Variants in CNN3 observed in about 807,000 individuals in gnomAD.
CNN3 encodes calponin-3.
In CNN3, 11 loss-of-function variants were observed where a neutral mutation model predicts 39.0. The observed-to-expected ratio is 0.28, with a 90% CI of 0.18 to 0.47. The LOEUF is 0.47. Ranked by LOEUF, CNN3 falls within the 20% of genes least tolerant of loss-of-function variation. The pLI, the probability that CNN3 is intolerant of heterozygous loss-of-function variation, is 0.99. For missense variants in CNN3, 266 were observed against 403.4 expected (o/e 0.66, Z 2.92); for synonymous variants, 101 against 138.3 (o/e 0.73, Z 1.89).
intron 1 of CNN3, among the ~76,000 whole-genome samples, chr1:94,922,480 C>T (rs1029407935): frequency 4.6e-5 from 7 of 152,008 alleles, no homozygotes; most frequent in African/African-American, 1.5e-4. Context: ...GAGACACACC[C>T]GCGAATAAGA....
At chr1:94,907,403 T>C (rs967712513) in intron 1 of CNN3, among the ~76,000 whole-genome samples, 7 of 152,182 alleles carry the variant, frequency 4.6e-5, no homozygotes, top group African/African-American at 1.7e-4. Flanking sequence ...CTTTGGCCAA[T>C]AAAAATGATT....
chr1:94,916,182 G>T (rs144884497), intron 1 of CNN3, among the ~76,000 whole-genome samples: 6 of 152,162 alleles, frequency 3.9e-5, no homozygotes, highest in African/African-American at 1.4e-4. Flanking sequence ...TTGCTCTACC[G>T]ACGATCTCTC....
At chr1:94,917,185 C>T (rs977705068) in intron 1 of CNN3, among the ~76,000 whole-genome samples, 2 of 152,118 alleles carry the variant, frequency 1.3e-5, no homozygotes, top group African/African-American at 2.4e-5. Flanking sequence ...TACAGGCATG[C>T]GCCACCATGC....
Position 94,926,758 on chromosome 1 carries a change from G to A in CNN3, c.57+80C>T. The A allele has an allele frequency of 6.8e-7, 1 of 1,461,838 alleles. No homozygotes were observed. The highest frequency in any genetic ancestry group is 9.4e-7 in the Non-Finnish European group (1 of 1,062,514). The allele number at this position is 1,461,838 out of a possible 1,614,324, so 90.6% of individuals were successfully genotyped here. A position where few individuals can be genotyped will look rare whatever the true frequency, so the allele number is the denominator to read the frequency against. On this transcript the variant is annotated intron_variant, in intron 1 of 6. Transcript: ENST00000370206. This position sits in a 1 kb window ranked among gnomAD's most constrained non-coding sequence, Gnocchi z 4.2. The stretch of plus-strand genomic sequence containing the variant: ...GGAAAACGGTGAGCCACAGCGCGAA[G>A]AGCAAACGAAGCACGGCCCAGCGCC...
At chr1:94,916,182 G>A (rs144884497) in intron 1 of CNN3, among the ~76,000 whole-genome samples, 2 of 152,044 alleles carry the variant, frequency 1.3e-5, no homozygotes, top group Non-Finnish European at 2.9e-5. Context: ...TTGCTCTACC[G>A]ACGATCTCTC....
At chr1:94,903,555 AT>A (rs1362447052) in intron 1 of CNN3, 31 bp from the exon 2 acceptor site, 2 of 1,612,762 alleles carry the variant, frequency 1.2e-6, no homozygotes, top group African/African-American at 2.7e-5. Flanking sequence ...CTTTAGAAGA[AT>A]TTCACAAAAG....
In CNN3 at chr1:94,926,962, C is replaced by T. The variant is rs1671603085; in HGVS notation, c.-68G>A. On this transcript the variant is annotated 5_prime_UTR_variant, in exon 1 of 7. Coordinates refer to ENST00000370206, the MANE Select transcript of CNN3 (RefSeq NM_001839.5). The surrounding 1 kb of genome is among the most constrained non-coding windows in gnomAD (Gnocchi z 4.2). The stretch of plus-strand genomic sequence containing the variant: ...TCTCTCGCACTTCGCTTCCCCGCTC[C>T]TGGCCCCGAGGAGTGGCCGCCGCGG... The T allele has an allele frequency of 6.4e-7, 1 of 1,554,090 alleles. No individual in the cohort carries two copies. Among genetic ancestry groups the T allele is most frequent in the Non-Finnish European group, 8.8e-7 (1 of 1,138,510 alleles).
At chr1:94,921,894 G>T (rs1040689674) in intron 1 of CNN3, among the ~76,000 whole-genome samples, 8 of 152,186 alleles carry the variant, frequency 5.3e-5, no homozygotes, top group Non-Finnish European at 2.9e-5. Context: ...CAGACCAACA[G>T]CAATAGCTGG....
rs572680265 is a variant in CNN3 at position 94,897,176 on chromosome 1, G to C, written c.*566C>G. 6.5e-6 allele frequency: 1 copy of C among 152,964 alleles called. No individual in the cohort carries two copies. Among genetic ancestry groups the C allele is most frequent in the Non-Finnish European group, 1.5e-5 (1 of 68,228 alleles). 9.5% of individuals were successfully genotyped at this position (152,964 alleles called of 1,614,324 possible). On this transcript the variant is annotated 3_prime_UTR_variant, in exon 7 of 7. Transcript: ENST00000370206. Reference sequence around the variant, plus strand: ...CACTCTGAAAAGATCTTGTTCGCTAGGTAAGAGAATGAGTACACATATAAT... The same window carrying C: ...CACTCTGAAAAGATCTTGTTCGCTACGTAAGAGAATGAGTACACATATAAT...
At position 94,903,115 on chromosome 1, in the gene CNN3, C is replaced by A; in HGVS notation, c.246+7G>T. 6.4e-7 allele frequency: 1 copy of A among 1,570,682 alleles called. No individual in the cohort carries two copies. On this transcript the variant is annotated splice_region_variant and intron_variant, in intron 3 of 6. Coordinates refer to ENST00000370206, the MANE Select transcript of CNN3 (RefSeq NM_001839.5). ...CTAGAACCAGAGGTGGTTGGTTTGG[C>A]TGTTACCTGAGGCCAGTTCAGTGAG...
intron 1 of CNN3, among the ~76,000 whole-genome samples, chr1:94,914,275 T>C (rs1671230515): frequency 6.6e-6 from 1 of 152,186 alleles, no homozygotes; most frequent in Non-Finnish European, 1.5e-5. Context: ...GTTTGCAACT[T>C]TTCTGTAGTT....
At chr1:94,901,860 C>T (rs2275612) in intron 4 of CNN3, 75 bp from the exon 5 acceptor site, 100,198 of 1,064,266 alleles carry the variant, frequency 0.094, 5,249 homozygotes, top group Middle Eastern at 0.13. Flanking sequence ...AATGATATGT[C>T]CATAGACAAA....
At chr1:94,898,210 T>A in intron 6 of CNN3, 127 bp from the exon 7 acceptor site, 1 of 962,740 alleles carries the variant, frequency 1.0e-6, no homozygotes, top group Non-Finnish European at 1.5e-6. Flanking sequence ...GGTTCAGGGG[T>A]AAAGCTAGCT....
In CNN3 at chr1:94,897,887, T is replaced by A. The variant is rs1238773267; in HGVS notation, c.845A>T (p.His282Leu). 1.2e-6 allele frequency: 2 copies of A among 1,614,186 alleles called. No individual in the cohort carries two copies. The highest frequency in any genetic ancestry group is 1.7e-5 in the Admixed American group (1 of 60,026). The change falls in exon 7 of 7, where the codon CAC (histidine) becomes CTC (leucine). Residue 282 changes from histidine (H) to leucine (L), a missense_variant. Transcript: ENST00000370206. ...YCAAPTEPVI[H>L]NGSQGTGTNG... ...TGTTCCTGTTCCTTGGCTTCCGTTGTGAATGACAGGTTCTGTAGGAGCAGC... is the reference window on the plus strand; with the variant it reads ...TGTTCCTGTTCCTTGGCTTCCGTTGAGAATGACAGGTTCTGTAGGAGCAGC...
intron 5 of CNN3, among the ~76,000 whole-genome samples, chr1:94,900,065 A>G (rs991018706): frequency 2.6e-5 from 4 of 152,224 alleles, no homozygotes; most frequent in Non-Finnish European, 4.4e-5. Flanking sequence ...GAAAGGTGGA[A>G]TGAGGAATTT....
At chr1:94,923,981 C>T (rs531586275) in intron 1 of CNN3, among the ~76,000 whole-genome samples, 4 of 152,240 alleles carry the variant, frequency 2.6e-5, no homozygotes, top group East Asian at 3.9e-4. Flanking sequence ...GACTAGAACT[C>T]ACATATGCTA....
intron 1 of CNN3, among the ~76,000 whole-genome samples, chr1:94,918,955 C>T (rs974896869): frequency 6.6e-6 from 1 of 151,280 alleles, no homozygotes. Context: ...AACACTTTAA[C>T]TCTCCCACTG....
intron 1 of CNN3, chr1:94,925,919 G>T: frequency 2.9e-6 from 2 of 681,070 alleles, no homozygotes; most frequent in Non-Finnish European, 3.6e-6. Context: ...ATGCAGGGAG[G>T]GAGGAAGGAA....
chr1:94,924,640 A>G (rs1437094142), intron 1 of CNN3, among the ~76,000 whole-genome samples: 1 of 152,238 alleles, frequency 6.6e-6, no homozygotes, highest in Non-Finnish European at 1.5e-5. Flanking sequence ...AAAGAAAAAA[A>G]AATGGGGGGA....
Sources: allele counts gnomAD v4.1 joint callset (sites outside exome capture counted in the v4.1 genomes callset), GRCh38; gene constraint gnomAD v4.1.1; non-coding constraint Gnocchi (gnomAD v3.1); transcripts MANE v1.5; gene names NCBI Gene and HGNC (gene_info 2026-07-23, HGNC 2026-07-21).